Variants in PDZRN3 observed in about 807,000 individuals in gnomAD.
PDZRN3 encodes the protein E3 ubiquitin-protein ligase PDZRN3.
In PDZRN3, 38 loss-of-function variants were observed where a neutral mutation model predicts 85.7. The ratio of observed to expected loss-of-function variants is 0.44; its 90% CI spans 0.34 to 0.58. PDZRN3 has a LOEUF of 0.58. Ranked by LOEUF, PDZRN3 falls within the 20% of genes least tolerant of loss-of-function variation. The pLI, the probability that PDZRN3 is intolerant of heterozygous loss-of-function variation, is 0.01. For missense variants in PDZRN3, 1,629 were observed against 1,506.4 expected, an observed-to-expected ratio of 1.08 and a Z score of -1.35; for synonymous variants, 759 against 638.0, an observed-to-expected ratio of 1.19 and a Z score of -2.86.
chr3:73,624,045 G>A (rs1476193841), intron 1 of PDZRN3, 58 bp downstream of exon 1: 3 of 1,377,956 alleles, frequency 2.2e-6, no homozygotes, highest in East Asian at 6.1e-5. Flanking sequence ...GGGATGGGGC[G>A]GGGCCCTGGG....
In PDZRN3 at chr3:73,382,664, A is replaced by C. The variant is rs1269584805; in HGVS notation, c.*701T>G. On this transcript the variant is annotated 3_prime_UTR_variant, in exon 10 of 10. Coordinates refer to ENST00000263666, the MANE Select transcript of PDZRN3 (RefSeq NM_015009.3). ...GTCTCCATCCACAACTTTCCTGTAC[A>C]TGCAAATTCTTTCAATGGGCTGCAA... 2.0e-5 allele frequency: 3 copies of C among 152,688 alleles called. No homozygotes were observed. The highest frequency in any genetic ancestry group is 4.4e-5 in the Non-Finnish European group (3 of 68,052). The allele number at this position is 152,688 out of a possible 1,614,324, so 9.5% of individuals were successfully genotyped here. A position where few individuals can be genotyped will look rare whatever the true frequency, so the allele number is the denominator to read the frequency against.
intron 3 of PDZRN3, among the ~76,000 whole-genome samples, chr3:73,472,361 T>C (rs1575676802): frequency 6.6e-6 from 1 of 152,240 alleles, no homozygotes; most frequent in African/African-American, 2.4e-5. Flanking sequence ...ATCTCACCAC[T>C]GACCATTCTG....
chr3:73,430,323 T>C (rs1702405901), intron 3 of PDZRN3, among the ~76,000 whole-genome samples: 1 of 152,210 alleles, frequency 6.6e-6, no homozygotes, highest in African/African-American at 2.4e-5. Context: ...TAAGTTTTCC[T>C]TATCCTGAAA....
chr3:73,534,306 C>T (rs1305362198), intron 3 of PDZRN3, among the ~76,000 whole-genome samples: 1 of 152,180 alleles, frequency 6.6e-6, no homozygotes, highest in Non-Finnish European at 1.5e-5. Flanking sequence ...AGTTGACCCA[C>T]TCTTGTTTAT....
chr3:73,604,743 G>A (rs1702568754), intron 2 of PDZRN3, among the ~76,000 whole-genome samples: 1 of 152,216 alleles, frequency 6.6e-6, no homozygotes, highest in African/African-American at 2.4e-5. Context: ...TGGAGAGAAA[G>A]AGGGAGATAG....
chr3:73,506,621 T>C (rs1406261368), intron 3 of PDZRN3, among the ~76,000 whole-genome samples: 1 of 152,168 alleles, frequency 6.6e-6, no homozygotes. Flanking sequence ...GGAAAAGACT[T>C]ACTCGAATAT....
intron 3 of PDZRN3, among the ~76,000 whole-genome samples, chr3:73,579,050 A>T (rs1048371966): frequency 3.3e-5 from 5 of 152,120 alleles, no homozygotes; most frequent in African/African-American, 1.2e-4. Context: ...CATCAAATTC[A>T]TATGTTGGAC....
chr3:73,584,325 C>T (rs544285358), intron 3 of PDZRN3, among the ~76,000 whole-genome samples: 1 of 152,236 alleles, frequency 6.6e-6, no homozygotes, highest in East Asian at 1.9e-4. Flanking sequence ...TAACCACTTC[C>T]ATCCAGGAAA....
At chr3:73,390,191 G>A (rs1019114238) in intron 6 of PDZRN3, among the ~76,000 whole-genome samples, 1 of 152,200 alleles carries the variant, frequency 6.6e-6, no homozygotes, top group East Asian at 1.9e-4. Context: ...AATCAATGAT[G>A]TAGAACAGGT....
chr3:73,444,255 C>T (rs1702704675), intron 3 of PDZRN3, among the ~76,000 whole-genome samples: 1 of 152,152 alleles, frequency 6.6e-6, no homozygotes, highest in Admixed American at 6.5e-5. Flanking sequence ...TATTAAAGCC[C>T]ACCCCAATTT....
intron 3 of PDZRN3, among the ~76,000 whole-genome samples, chr3:73,463,099 G>C (rs777208391): frequency 2.4e-4 from 36 of 152,170 alleles, no homozygotes; most frequent in Admixed American, 7.2e-4. Context: ...ATACATGTGA[G>C]AAGGGAAGAC....
intron 1 of PDZRN3, 89 bp from the exon 2 acceptor site, chr3:73,608,773 T>C: frequency 1.3e-6 from 1 of 763,254 alleles, no homozygotes; most frequent in Non-Finnish European, 2.2e-6. Flanking sequence ...ACTCAAGGAC[T>C]ACTCAGCTAA....
chr3:73,613,363 T>C (rs13317687), intron 1 of PDZRN3, among the ~76,000 whole-genome samples: 1,616 of 152,182 alleles, frequency 0.011, 22 homozygotes, highest in African/African-American at 0.037. Context: ...TGGAAGGGGA[T>C]GGCCACAGGA....
intron 3 of PDZRN3, among the ~76,000 whole-genome samples, chr3:73,456,184 ATGTG>A (rs10608893): frequency 0.017 from 2,600 of 150,740 alleles, 26 homozygotes; most frequent in Middle Eastern, 0.031. Flanking sequence ...GAGAAGAAAA[ATGTG>A]TGTGTGTGTG....
intron 3 of PDZRN3, among the ~76,000 whole-genome samples, chr3:73,574,456 G>A (rs1702088774): frequency 1.0e-5 from 1 of 99,092 alleles, no homozygotes; most frequent in African/African-American, 4.7e-5. Flanking sequence ...TTTGGCTGGG[G>A]TGGGGGGGGT....
intron 3 of PDZRN3, chr3:73,556,680 GC>G (rs1701702651): frequency 6.6e-6 from 1 of 152,170 alleles, no homozygotes; most frequent in Admixed American, 6.5e-5. Flanking sequence ...ATGATTTCAT[GC>G]CAGGAATCAA....
At chr3:73,599,583 A>G (rs1240669525) in intron 3 of PDZRN3, among the ~76,000 whole-genome samples, 1 of 152,260 alleles carries the variant, frequency 6.6e-6, no homozygotes, top group Non-Finnish European at 1.5e-5. Flanking sequence ...AAATTCTGTT[A>G]TGTATATTTT....
At chr3:73,524,064 C>T (rs987730104) in intron 3 of PDZRN3, among the ~76,000 whole-genome samples, 2 of 152,124 alleles carry the variant, frequency 1.3e-5, no homozygotes, top group Non-Finnish European at 2.9e-5. Context: ...TACACTTCCC[C>T]GGGACCTCTC....
intron 3 of PDZRN3, chr3:73,474,380 G>C (rs1703407588): frequency 1.2e-6 from 1 of 803,936 alleles, no homozygotes; most frequent in South Asian, 1.7e-5. Context: ...GCTATCGGTG[G>C]TGTATAATGA....
Sources: gnomAD v4.1 joint callset for allele counts (sites outside exome capture counted in the v4.1 genomes callset) on GRCh38, gnomAD v4.1.1 for gene constraint, MANE v1.5 for transcripts, NCBI Gene and HGNC (gene_info 2026-07-23, HGNC 2026-07-21) for gene names.